Variants in RIPOR2 observed in about 807,000 individuals in gnomAD.
The protein encoded by RIPOR2 is RHO family interacting cell polarization regulator 2.
RIPOR2 carries 39 observed loss-of-function variants against 114.5 expected under a neutral mutation model. The observed-to-expected ratio is 0.34, with a 90% CI of 0.26 to 0.44. The LOEUF is 0.44. Ranked by LOEUF, RIPOR2 falls within the 20% of genes least tolerant of loss-of-function variation. The pLI, the probability that RIPOR2 is intolerant of heterozygous loss-of-function variation, is 1.00. For synonymous variants in RIPOR2, 445 were observed against 484.4 expected (o/e 0.92, Z 1.07); for missense variants, 1,007 against 1,255.1 (o/e 0.80, Z 2.99).
intron 1 of RIPOR2, among the ~76,000 whole-genome samples, chr6:24,932,670 G>T (rs1771497089): frequency 3.3e-5 from 5 of 151,992 alleles, no homozygotes; most frequent in Admixed American, 2.6e-4. Flanking sequence ...TATCTAAATG[G>T]ATTTATATAT....
At chr6:24,993,947 T>G (rs1436607530) in intron 1 of RIPOR2, among the ~76,000 whole-genome samples, 1 of 152,226 alleles carries the variant, frequency 6.6e-6, no homozygotes, top group African/African-American at 2.4e-5. Context: ...TCATTAAATT[T>G]TTAACAGACT....
At chr6:24,879,979 A>T (rs976461676) in intron 1 of RIPOR2, among the ~76,000 whole-genome samples, 1 of 152,232 alleles carries the variant, frequency 6.6e-6, no homozygotes. Context: ...TGCTCCATTG[A>T]ACCAAAAGCC....
At chr6:24,926,542 G>T (rs1057129125) in intron 1 of RIPOR2, among the ~76,000 whole-genome samples, 3 of 152,148 alleles carry the variant, frequency 2.0e-5, no homozygotes, top group African/African-American at 7.2e-5. Flanking sequence ...ATAGCAATCA[G>T]GTTTGCTAAT....
chr6:24,884,033 A>G (rs1766579395), intron 1 of RIPOR2, among the ~76,000 whole-genome samples: 1 of 152,180 alleles, frequency 6.6e-6, no homozygotes, highest in African/African-American at 2.4e-5. Context: ...CAAGGTACCT[A>G]TTACAGAGCA....
At chr6:24,827,063 T>C (rs764847007) in intron 18 of RIPOR2, among the ~76,000 whole-genome samples, 5 of 152,192 alleles carry the variant, frequency 3.3e-5, no homozygotes, top group Non-Finnish European at 7.4e-5. Flanking sequence ...AAACTGCCAC[T>C]GATGCAAACT....
intron 1 of RIPOR2, among the ~76,000 whole-genome samples, chr6:24,882,506 A>G (rs1274689463): frequency 6.6e-6 from 1 of 152,162 alleles, no homozygotes; most frequent in African/African-American, 2.4e-5. Context: ...GAATACTGAG[A>G]CTCATTAAAG....
upstream of RIPOR2, among the ~76,000 whole-genome samples, chr6:24,936,849 G>A (rs1771837617): frequency 6.6e-6 from 1 of 152,162 alleles, no homozygotes; most frequent in African/African-American, 2.4e-5. Context: ...GATCTCTTAG[G>A]TGGCCAGAAG....
In RIPOR2 at chr6:24,966,466, C is replaced by G. The variant is rs957230166; in HGVS notation, c.76+75385G>C. On this transcript the variant is annotated intron_variant, in intron 1 of 13. Coordinates refer to the RIPOR2 transcript ENST00000510784. ...TTCTTTAATACTGCGTTTTTGATTC[C>G]TATATCAGACAGCTGGGATGCCACG... Among the ~76,000 whole-genome samples the G allele has an allele frequency of 3.9e-5, 6 of 152,264 alleles. No homozygotes were observed. The East Asian group carries it at 9.6e-4, about 24-fold the overall frequency.
chr6:25,018,125 T>C (rs1776105119), intron 1 of RIPOR2, among the ~76,000 whole-genome samples: 1 of 152,222 alleles, frequency 6.6e-6, no homozygotes, highest in African/African-American at 2.4e-5. Flanking sequence ...TTTCAAAGTC[T>C]GAAGGGTTTC....
At chr6:24,997,000 C>T (rs1038523398) in intron 1 of RIPOR2, among the ~76,000 whole-genome samples, 1 of 152,190 alleles carries the variant, frequency 6.6e-6, no homozygotes, top group African/African-American at 2.4e-5. Flanking sequence ...ATCATACATA[C>T]GCTGAAGCGG....
At chr6:24,947,466 C>T (rs1275375114) in intron 1 of RIPOR2, among the ~76,000 whole-genome samples, 1 of 151,974 alleles carries the variant, frequency 6.6e-6, no homozygotes, top group East Asian at 1.9e-4. Flanking sequence ...TAATAAATTA[C>T]GATAAAGAAT....
At chr6:24,914,662 A>G (rs74561313) in intron 1 of RIPOR2, among the ~76,000 whole-genome samples, 1 of 152,330 alleles carries the variant, frequency 6.6e-6, no homozygotes, top group South Asian at 2.1e-4. Flanking sequence ...CTCTCATGAG[A>G]ACTTTTTAAG....
intron 1 of RIPOR2, among the ~76,000 whole-genome samples, chr6:24,921,312 G>C (rs1770461410): frequency 6.6e-6 from 1 of 151,278 alleles, no homozygotes; most frequent in Non-Finnish European, 1.5e-5. Flanking sequence ...ATAGGCACGT[G>C]CCACCACACC....
intron 1 of RIPOR2, chr6:24,932,111 G>A (rs1771442367): frequency 6.6e-6 from 1 of 152,140 alleles, no homozygotes; most frequent in South Asian, 2.1e-4. Context: ...TGGCTGTCAA[G>A]ATCACACAGT....
intron 1 of RIPOR2, among the ~76,000 whole-genome samples, chr6:24,917,941 CA>C (rs1436175438): frequency 6.6e-6 from 1 of 152,212 alleles, no homozygotes; most frequent in Non-Finnish European, 1.5e-5. Context: ...AAAGGTCTTC[CA>C]AGGTGATTTA....
At chr6:24,832,152 T>A in intron 16 of RIPOR2, 104 bp downstream of exon 16, 1 of 1,148,490 alleles carries the variant, frequency 8.7e-7, no homozygotes, top group Non-Finnish European at 1.2e-6. Context: ...GACCTAAGAA[T>A]GCTTTTCTGT....
intron 9 of RIPOR2, 100 bp from the exon 10 acceptor site, chr6:24,850,822 C>T (rs989706129): frequency 1.5e-6 from 2 of 1,319,142 alleles, no homozygotes; most frequent in African/African-American, 2.9e-5. Context: ...CACTGCTGCC[C>T]TCCGCTTCTC....
At chr6:24,827,643 T>C (rs375693644) in intron 18 of RIPOR2, among the ~76,000 whole-genome samples, 2 of 152,220 alleles carry the variant, frequency 1.3e-5, no homozygotes, top group African/African-American at 4.8e-5. Flanking sequence ...ACCAGCTTCA[T>C]TGCTGCATGC....
intron 1 of RIPOR2, among the ~76,000 whole-genome samples, chr6:25,003,307 T>G (rs377678270): frequency 6.6e-6 from 1 of 151,944 alleles, no homozygotes; most frequent in African/African-American, 2.4e-5. Flanking sequence ...GTAAGAGGTA[T>G]CTCAAGATTT....
Sources: allele counts gnomAD v4.1 joint callset (sites outside exome capture counted in the v4.1 genomes callset), GRCh38; gene constraint gnomAD v4.1.1; transcripts MANE v1.5; gene names NCBI Gene and HGNC (gene_info 2026-07-23, HGNC 2026-07-21).